FYB2: variants seen among roughly 807,000 people sequenced by gnomAD.
The protein encoded by FYB2 is FYN binding protein 2.
A neutral mutation model predicts 94.1 loss-of-function variants in FYB2; 103 were observed. That is an observed-to-expected ratio of 1.09 (90% CI 0.93 to 1.29). The LOEUF (loss-of-function observed/expected upper bound fraction) is 1.29. Ranked by LOEUF, FYB2 falls within the 50% of genes most tolerant of loss-of-function variation. The pLI is 0.00. For synonymous variants in FYB2, 293 were observed against 287.9 expected (o/e 1.02, Z -0.18); for missense variants, 896 against 841.5 (o/e 1.06, Z -0.80).
chr1:56,766,410 T>G (rs1401159985), intron 5 of FYB2, among the ~76,000 whole-genome samples: 1 of 152,142 alleles, frequency 6.6e-6, no homozygotes, highest in Non-Finnish European at 1.5e-5. Context: ...GTTTTTCTAA[T>G]AGTTCTCCAA....
At chr1:56,787,862 A>G (rs904274455) in intron 3 of FYB2, among the ~76,000 whole-genome samples, 1 of 152,228 alleles carries the variant, frequency 6.6e-6, no homozygotes. Context: ...TTGAGGCCTG[A>G]ATTATTTAAT....
chr1:56,739,929 A>G (rs1644913421), intron 13 of FYB2, among the ~76,000 whole-genome samples: 1 of 152,044 alleles, frequency 6.6e-6, no homozygotes, highest in African/African-American at 2.4e-5. Flanking sequence ...TTGAGACACA[A>G]CCCCATCATA....
chr1:56,727,707 A>G (rs1415984276), intron 15 of FYB2, among the ~76,000 whole-genome samples: 2 of 152,176 alleles, frequency 1.3e-5, no homozygotes, highest in Non-Finnish European at 1.5e-5. Flanking sequence ...GAAAGGATAC[A>G]TGAAGTATAC....
At chr1:56,820,588 A>G (rs940378454), upstream of FYB2, among the ~76,000 whole-genome samples, 2 of 151,778 alleles carry the variant, frequency 1.3e-5, no homozygotes, top group Admixed American at 6.6e-5. Flanking sequence ...AGGTGAGGAG[A>G]CCCCGCCTGA....
chr1:56,775,256 C>G (rs553360807), intron 4 of FYB2, among the ~76,000 whole-genome samples: 13 of 152,140 alleles, frequency 8.5e-5, no homozygotes, highest in African/African-American at 3.1e-4. Flanking sequence ...TCTCTCAGCC[C>G]TGGGCACTAG....
intron 5 of FYB2, among the ~76,000 whole-genome samples, chr1:56,765,254 T>C (rs1645594949): frequency 6.6e-6 from 1 of 152,146 alleles, no homozygotes; most frequent in African/African-American, 2.4e-5. Context: ...TGCTGGGTGG[T>C]TATGAAGATC....
intron 13 of FYB2, among the ~76,000 whole-genome samples, chr1:56,740,101 T>C (rs956169527): frequency 2.0e-5 from 3 of 152,076 alleles, no homozygotes; most frequent in Admixed American, 6.6e-5. Context: ...GCAGAACTGG[T>C]ACTAGAATAT....
intron 1 of FYB2, among the ~76,000 whole-genome samples, chr1:56,812,362 C>A (rs576792204): frequency 1.4e-4 from 22 of 152,024 alleles, no homozygotes; most frequent in African/African-American, 4.8e-4. Flanking sequence ...ACCAAACTAA[C>A]GGTTAGGAAT....
At chr1:56,728,303 C>A (rs939187048) in intron 15 of FYB2, among the ~76,000 whole-genome samples, 6 of 152,086 alleles carry the variant, frequency 3.9e-5, no homozygotes, top group African/African-American at 1.4e-4. Flanking sequence ...TTTTGATCGC[C>A]TAAATAACAG....
At chr1:56,754,207 G>A (rs554114767) in intron 7 of FYB2, among the ~76,000 whole-genome samples, 43 of 151,974 alleles carry the variant, frequency 2.8e-4, no homozygotes, top group African/African-American at 1.0e-3. Flanking sequence ...ATCGTGATCT[G>A]GCTCGTACCT....
At chr1:56,726,752 G>A (rs1286900483) in intron 15 of FYB2, among the ~76,000 whole-genome samples, 169 bp from the exon 16 acceptor site, 2 of 151,942 alleles carry the variant, frequency 1.3e-5, no homozygotes, top group East Asian at 1.9e-4. Flanking sequence ...GGCTTTGCAG[G>A]CCATATTATC....
intron 7 of FYB2, among the ~76,000 whole-genome samples, chr1:56,754,450 C>T (rs1448052239): frequency 6.6e-6 from 1 of 152,096 alleles, no homozygotes; most frequent in Non-Finnish European, 1.5e-5. Flanking sequence ...GTCATACCTT[C>T]TCTACTCTTC....
chr1:56,790,863 C>T (rs1570164885), intron 2 of FYB2, among the ~76,000 whole-genome samples: 1 of 152,186 alleles, frequency 6.6e-6, no homozygotes, highest in Middle Eastern at 3.4e-3. Flanking sequence ...TTTTTTTGAA[C>T]TTAGGCCTAA....
At chr1:56,724,743 A>G (rs1474973963) in intron 16 of FYB2, among the ~76,000 whole-genome samples, 1 of 151,994 alleles carries the variant, frequency 6.6e-6, no homozygotes, top group East Asian at 1.9e-4. Context: ...ACACATTACA[A>G]TGTCTACTTG....
In FYB2 at chr1:56,723,602, TAAATAG is replaced by T. The variant is rs1198275841; in HGVS notation, c.1954_1959del (p.Leu652_Phe653del). 3 of 1,547,506 alleles carry T rather than the reference TAAATAG, an allele frequency of 1.9e-6. No homozygotes were observed. In the African/African-American group the frequency reaches 4.1e-5, roughly 21 times the overall value. ...AGAGAACGTACCTTAAACCTTTCTCTAAATAGTTTTTCTTCTCTTTTCATTCTGTTC... is the reference window on the plus strand; with the variant it reads ...AGAGAACGTACCTTAAACCTTTCTCTTTTTTCTTCTCTTTTCATTCTGTTC... On this transcript the variant is annotated inframe_deletion, in exon 17 of 20. Transcript: ENST00000343433.
chr1:56,753,871 C>G lies in FYB2; in HGVS notation c.1195G>C (p.Glu399Gln). 1.2e-6 allele frequency: 2 copies of G among 1,610,870 alleles called. No individual in the cohort carries two copies. Among genetic ancestry groups the G allele is most frequent in the Non-Finnish European group, 1.7e-6 (2 of 1,177,598 alleles). The change falls in exon 8 of 20, where the codon GAA becomes CAA. Residue 399 changes from glutamate (E) to glutamine (Q), a missense_variant. Glu to Gln is a conservative substitution (Grantham distance 29). Transcript: ENST00000343433. ...ACATGGTTTGAATATGGTTCCTTTT[C>G]TGTGTTTTTAGGTTTCAATTCACAT... ...QPCELKPKNTEKEPYSNHVFK... is the reference protein window; with the variant it reads ...QPCELKPKNTQKEPYSNHVFK...
upstream of FYB2, among the ~76,000 whole-genome samples, chr1:56,822,524 G>A (rs962772225): frequency 1.3e-5 from 2 of 152,152 alleles, no homozygotes; most frequent in African/African-American, 4.8e-5. Context: ...CAGGGATGAC[G>A]TGCCATACTC....
At chr1:56,782,659 T>C (rs1646035546) in intron 4 of FYB2, among the ~76,000 whole-genome samples, 1 of 152,148 alleles carries the variant, frequency 6.6e-6, no homozygotes, top group Admixed American at 6.5e-5. Flanking sequence ...GCTGATAGAC[T>C]TATTTTAAAA....
At chr1:56,757,687 C>CTTCCTTCCTTCCTTCTTTCTTTCT (rs1293394860) in intron 6 of FYB2, among the ~76,000 whole-genome samples, 6 of 71,950 alleles carry the variant, frequency 8.3e-5, no homozygotes, top group African/African-American at 2.5e-4. Flanking sequence ...TCCTTCCTTC[C>CTTCCTTCCTTCCTTCTTTCTTTCT]TTCTTTCTTT....
Sources: gnomAD v4.1 joint callset for allele counts (sites outside exome capture counted in the v4.1 genomes callset) on GRCh38, gnomAD v4.1.1 for gene constraint, MANE v1.5 for transcripts, NCBI Gene and HGNC (gene_info 2026-07-23, HGNC 2026-07-21) for gene names.